PIGN: variants seen among roughly 807,000 people sequenced by gnomAD.
PIGN encodes GPI ethanolamine phosphate transferase 1.
PIGN carries 117 observed loss-of-function variants against 125.4 expected under a neutral mutation model. The ratio of observed to expected loss-of-function variants is 0.93; its 90% CI spans 0.80 to 1.09. PIGN has a LOEUF of 1.09. PIGN is among the 50% of genes least tolerant of loss of function. The probability of loss-of-function intolerance (pLI) is 0.00; values close to 1 mark genes in which losing one functional copy is unlikely to be tolerated. For synonymous variants in PIGN, 392 were observed against 377.8 expected (o/e 1.04, Z -0.44); for missense variants, 1,075 against 1,094.9 (o/e 0.98, Z 0.26).
At position 62,161,397 on chromosome 18, in the gene PIGN, A is replaced by T; in HGVS notation, c.-32-12T>A. 1 of 1,316,864 alleles carries T rather than the reference A, an allele frequency of 7.6e-7. No individual in the cohort carries two copies. The highest frequency in any genetic ancestry group is 1.4e-5 in the African/African-American group (1 of 69,126). 81.6% of individuals were successfully genotyped at this position (1,316,864 alleles called of 1,614,324 possible). On this transcript the variant is annotated splice_polypyrimidine_tract_variant and intron_variant, in intron 3 of 30. Transcript: ENST00000640252. Reference sequence around the variant, plus strand: ...GTCTTCAAGAACAGCTGAAAGAGAGAACAAAATTAAATTGGGGTAAATCTT... The same window carrying T: ...GTCTTCAAGAACAGCTGAAAGAGAGTACAAAATTAAATTGGGGTAAATCTT...
At chr18:62,170,015 T>C (rs1239074597) in intron 1 of PIGN, among the ~76,000 whole-genome samples, 1 of 152,242 alleles carries the variant, frequency 6.6e-6, no homozygotes, top group Non-Finnish European at 1.5e-5. Context: ...AGAGTTTCAG[T>C]GGCTCTAATT....
At chr18:62,142,718 A>G (rs2036182578) in intron 11 of PIGN, among the ~76,000 whole-genome samples, 1 of 152,234 alleles carries the variant, frequency 6.6e-6, no homozygotes, top group Non-Finnish European at 1.5e-5. Context: ...CAAATAGTGA[A>G]GATGGCTATT....
At chr18:62,035,520 T>C (rs191931629) in intron 23 of PIGN, among the ~76,000 whole-genome samples, 2 of 152,290 alleles carry the variant, frequency 1.3e-5, no homozygotes, top group South Asian at 2.1e-4. Flanking sequence ...CCTAACTTAT[T>C]ACTTTTTTAT....
intron 27 of PIGN, among the ~76,000 whole-genome samples, chr18:62,083,665 C>T: frequency 6.6e-6 from 1 of 151,726 alleles, no homozygotes; most frequent in East Asian, 1.9e-4. Context: ...TAATTAAAGG[C>T]CAATGGTCTT....
At chr18:62,132,304 C>G (rs2035770009) in intron 14 of PIGN, among the ~76,000 whole-genome samples, 1 of 152,110 alleles carries the variant, frequency 6.6e-6, no homozygotes, top group South Asian at 2.1e-4. Flanking sequence ...TTTCTGATAA[C>G]ACCAAACATT....
downstream of PIGN, among the ~76,000 whole-genome samples, chr18:62,038,222 C>G (rs1310656849): frequency 6.7e-6 from 1 of 149,012 alleles, no homozygotes; most frequent in Non-Finnish European, 1.5e-5. Flanking sequence ...AAACCAGGAA[C>G]AAAAATAAAC....
chr18:62,055,570 T>C (rs980345230), intron 30 of PIGN, among the ~76,000 whole-genome samples: 1 of 152,172 alleles, frequency 6.6e-6, no homozygotes, highest in Non-Finnish European at 1.5e-5. Flanking sequence ...GTTCTGTCTT[T>C]TGACAGTTTC....
intron 30 of PIGN, chr18:62,052,400 T>C (rs1049644350): frequency 2.2e-4 from 34 of 151,218 alleles, no homozygotes; most frequent in African/African-American, 8.0e-4. Flanking sequence ...ATTGGGTGCA[T>C]ATATATTTAG....
chr18:62,106,201 T>C (rs760544374), intron 19 of PIGN, among the ~76,000 whole-genome samples: 1 of 152,208 alleles, frequency 6.6e-6, no homozygotes, highest in Non-Finnish European at 1.5e-5. Flanking sequence ...TTGAAGATTT[T>C]TTAATAAATT....
intron 14 of PIGN, among the ~76,000 whole-genome samples, chr18:62,130,090 AG>A (rs1194435685): frequency 6.6e-6 from 1 of 152,150 alleles, no homozygotes; most frequent in South Asian, 2.1e-4. Context: ...AGCCCCCAGA[AG>A]CTAGGTAGAG....
In PIGN at chr18:62,033,251, C is replaced by T. The variant is rs932243018; in HGVS notation, c.2143-15510G>A. On this transcript the variant is annotated intron_variant, in intron 23 of 24. Transcript: ENST00000639600. ...AATCCACGCAAATAAGAAGGTAGAA[C>T]GCTGACAATCAAAATAACACCTCCA... 5.3e-5 allele frequency among the ~76,000 whole-genome samples: 8 copies of T among 152,140 alleles called. No homozygotes were observed. The East Asian group carries it at 7.7e-4, about 15-fold the overall frequency.
At chr18:62,039,977 C>T (rs2030325778), downstream of PIGN, among the ~76,000 whole-genome samples, 1 of 80,676 alleles carries the variant, frequency 1.2e-5, no homozygotes. Flanking sequence ...AGGGCCCCAT[C>T]CAGGGTGCCG....
intron 16 of PIGN, among the ~76,000 whole-genome samples, chr18:62,111,171 A>C (rs1364732090): frequency 6.6e-6 from 1 of 152,086 alleles, no homozygotes; most frequent in Non-Finnish European, 1.5e-5. Context: ...TGTGGAAAAC[A>C]GGTAATTTTT....
chr18:62,086,835 T>A (rs140305834), intron 25 of PIGN, among the ~76,000 whole-genome samples: 1 of 152,008 alleles, frequency 6.6e-6, no homozygotes, highest in Non-Finnish European at 1.5e-5. Flanking sequence ...GGAATGAAGA[T>A]CTAGAGTGAA....
intron 17 of PIGN, among the ~76,000 whole-genome samples, chr18:62,109,366 T>G (rs2034781481): frequency 6.6e-6 from 1 of 152,148 alleles, no homozygotes; most frequent in African/African-American, 2.4e-5. Context: ...ATAACCGTAT[T>G]AGATTTAACT....
At chr18:62,156,502 T>C (rs3851141) in intron 6 of PIGN, among the ~76,000 whole-genome samples, 81,772 of 151,796 alleles carry the variant, frequency 0.54, 24,166 homozygotes, top group East Asian at 0.79. Context: ...AGCTAATTTT[T>C]TGTTTGTTGT....
At chr18:62,086,800 TA>T (rs748798971) in intron 25 of PIGN, among the ~76,000 whole-genome samples, 3 of 151,908 alleles carry the variant, frequency 2.0e-5, no homozygotes, top group Non-Finnish European at 2.9e-5. Flanking sequence ...ATGTCAGAGA[TA>T]AGGAAATGTG....
At chr18:62,101,994 G>A (rs1382128120) in intron 21 of PIGN, among the ~76,000 whole-genome samples, 6 of 151,948 alleles carry the variant, frequency 3.9e-5, no homozygotes, top group East Asian at 2.0e-4. Flanking sequence ...TTGGGAGGCC[G>A]GGGTGGGTGG....
rs117839090 is a variant in PIGN, at chr18:62,068,202, A to T, written c.2672+4471T>A. Among the ~76,000 whole-genome samples the T allele has an allele frequency of 7.9e-5, 12 of 152,240 alleles. No homozygotes were observed. The East Asian group carries it at 2.3e-3, about 29-fold the overall frequency. On this transcript the variant is annotated intron_variant, in intron 30 of 30. Coordinates refer to ENST00000640252, the MANE Select transcript of PIGN (RefSeq NM_176787.5). The stretch of plus-strand genomic sequence containing the variant: ...TTCTCCATGGGGATGAAGGAAGGAG[A>T]CGGGCTATGGAGAGCCTGTTGATAT...
Sources: allele counts gnomAD v4.1 joint callset (sites outside exome capture counted in the v4.1 genomes callset), GRCh38; gene constraint gnomAD v4.1.1; transcripts MANE v1.5; gene names NCBI Gene and HGNC (gene_info 2026-07-23, HGNC 2026-07-21).